The following SLC22A2 variants were observed in gnomAD, a reference collection of about 807,000 sequenced individuals.
SLC22A2 encodes the protein organic cation transporter 2.
A neutral mutation model predicts 60.5 loss-of-function variants in SLC22A2; 46 were observed. The ratio of observed to expected loss-of-function variants is 0.76; its 90% CI spans 0.60 to 0.97. SLC22A2 has a LOEUF of 0.97. Ranked by LOEUF, SLC22A2 falls within the 50% of genes least tolerant of loss-of-function variation. The probability of loss-of-function intolerance (pLI) is 0.00; values close to 1 mark genes in which losing one functional copy is unlikely to be tolerated. For missense variants in SLC22A2, 701 were observed against 706.6 expected (o/e 0.99, Z 0.09); for synonymous variants, 303 against 267.0 (o/e 1.13, Z -1.31).
chr6:160,242,245 T>C (rs1437701241), intron 8 of SLC22A2, 49 bp downstream of exon 8: 3 of 996,218 alleles, frequency 3.0e-6, no homozygotes, highest in Non-Finnish European at 4.9e-6. Flanking sequence ...TTCCAGCCAA[T>C]GAACAAATGT....
At chr6:160,230,003 C>T (rs1782792609) in intron 9 of SLC22A2, among the ~76,000 whole-genome samples, 1 of 151,784 alleles carries the variant, frequency 6.6e-6, no homozygotes, top group Non-Finnish European at 1.5e-5. Flanking sequence ...GTCTCTGTTC[C>T]CAATGCAACT....
intron 2 of SLC22A2, among the ~76,000 whole-genome samples, chr6:160,252,521 A>G (rs988957935): frequency 2.0e-5 from 3 of 152,074 alleles, no homozygotes; most frequent in African/African-American, 7.2e-5. Context: ...GAGGTCTGAG[A>G]CTCCTCCTAC....
At position 160,233,554 on chromosome 6, in the gene SLC22A2, C is replaced by A. The variant is rs149038595; in HGVS notation, c.1501+7920G>T. The stretch of plus-strand genomic sequence containing the variant: ...AACCAAACAAGTAATTACACTGAAC[C>A]CCCTTGGACACTCTCTAATTGGATG... On this transcript the variant is annotated intron_variant, in intron 9 of 10. Coordinates refer to ENST00000366953, the MANE Select transcript of SLC22A2 (RefSeq NM_003058.4). Among the ~76,000 whole-genome samples, 227 of 151,972 alleles carry A rather than the reference C, an allele frequency of 1.5e-3. No homozygotes were observed. The Middle Eastern group carries it at 0.02, about 14-fold the overall frequency.
intron 9 of SLC22A2, among the ~76,000 whole-genome samples, chr6:160,234,394 A>G (rs1464012733): frequency 6.6e-6 from 1 of 152,164 alleles, no homozygotes; most frequent in African/African-American, 2.4e-5. Context: ...CGCTACCGAC[A>G]AGTGGTCACC....
chr6:160,242,976 T>C (rs1027432878), intron 7 of SLC22A2, among the ~76,000 whole-genome samples: 5 of 152,198 alleles, frequency 3.3e-5, no homozygotes, highest in African/African-American at 1.2e-4. Context: ...GTTATACCAG[T>C]TTCCAAAGCT....
At chr6:160,236,759 T>A (rs1782918399) in intron 9 of SLC22A2, among the ~76,000 whole-genome samples, 1 of 152,122 alleles carries the variant, frequency 6.6e-6, no homozygotes, top group Non-Finnish European at 1.5e-5. Context: ...AAATGTCACT[T>A]TCTGACAGAC....
intron 10 of SLC22A2, among the ~76,000 whole-genome samples, 156 bp from the exon 11 acceptor site, chr6:160,217,654 G>T (rs1782562605): frequency 6.6e-6 from 1 of 152,168 alleles, no homozygotes; most frequent in Admixed American, 6.5e-5. Context: ...TTCTCACAAA[G>T]AAAATGGACA....
At chr6:160,251,852 T>TG (rs1185724427) in intron 2 of SLC22A2, among the ~76,000 whole-genome samples, 1 of 152,254 alleles carries the variant, frequency 6.6e-6, no homozygotes, top group East Asian at 1.9e-4. Context: ...ATAATTATTT[T>TG]GGAAGAGTAA....
chr6:160,218,088 G>A (rs1051699186), intron 10 of SLC22A2: 1 of 189,988 alleles, frequency 5.3e-6, no homozygotes, highest in Non-Finnish European at 1.1e-5. Context: ...ATCAGCTGTG[G>A]GCTGCTCCCA....
At chr6:160,222,114 T>C (rs1034563248) in intron 10 of SLC22A2, among the ~76,000 whole-genome samples, 1 of 152,202 alleles carries the variant, frequency 6.6e-6, no homozygotes, top group Non-Finnish European at 1.5e-5. Flanking sequence ...GCTATTGTTA[T>C]CCTCATTTTA....
intron 9 of SLC22A2, among the ~76,000 whole-genome samples, chr6:160,226,949 A>C (rs1011323410): frequency 6.6e-6 from 1 of 152,118 alleles, no homozygotes; most frequent in African/African-American, 2.4e-5. Context: ...TAAGACTGAC[A>C]CAACAGACTC....
At position 160,257,091 on chromosome 6, in the gene SLC22A2, G is replaced by A. The variant is rs560269933; in HGVS notation, c.415-374C>T. The stretch of plus-strand genomic sequence containing the variant: ...TCAGTTTTCTTTACATAACCAAAAG[G>A]CTTGCCCTTCCATCTGGCAATTTGT... On this transcript the variant is annotated intron_variant, in intron 1 of 10. Coordinates refer to ENST00000366953, the MANE Select transcript of SLC22A2 (RefSeq NM_003058.4). Among the ~76,000 whole-genome samples the A allele has an allele frequency of 5.1e-4, 78 of 152,258 alleles. 1 individual carries two copies. In the South Asian group the frequency reaches 5.8e-3, roughly 11 times the overall value.
intron 2 of SLC22A2, among the ~76,000 whole-genome samples, chr6:160,253,000 C>A (rs1025525452): frequency 1.3e-5 from 2 of 152,118 alleles, no homozygotes; most frequent in African/African-American, 4.8e-5. Context: ...GACTGCAACC[C>A]ACTGGGACTT....
chr6:160,225,479 T>G (rs76544796), intron 9 of SLC22A2, among the ~76,000 whole-genome samples: 1 of 152,150 alleles, frequency 6.6e-6, no homozygotes, highest in Non-Finnish European at 1.5e-5. Context: ...AAACACTGCA[T>G]GCCAGTCTCT....
intron 5 of SLC22A2, among the ~76,000 whole-genome samples, chr6:160,246,458 G>T (rs759566284): frequency 2.6e-5 from 4 of 152,238 alleles, no homozygotes; most frequent in Non-Finnish European, 5.9e-5. Flanking sequence ...TTGCTTAAAA[G>T]CTTTTCAGCC....
Position 160,249,380 on chromosome 6 carries a change from T to C in SLC22A2, c.678A>G (p.Thr226=), listed in dbSNP as rs1364518641. The stretch of plus-strand genomic sequence containing the variant: ...TCCGATATCTCCGCCCAACAAATTC[T>C]GTAACTGCAGAGAGAATTTGAATGG... The part of the protein sequence containing the change: ...AGWLIGYILI[T]EFVGRRYRRT... Residue 226 remains threonine, a synonymous_variant, in exon 4 of 11, where the codon ACA becomes ACG. Coordinates refer to ENST00000366953, the MANE Select transcript of SLC22A2 (RefSeq NM_003058.4). 8.7e-6 allele frequency: 14 copies of C among 1,612,902 alleles called. No individual in the cohort carries two copies. The highest frequency in any genetic ancestry group is 1.2e-5 in the Non-Finnish European group (14 of 1,179,430).
At chr6:160,226,202 G>A (rs543370842) in intron 9 of SLC22A2, among the ~76,000 whole-genome samples, 14 of 152,124 alleles carry the variant, frequency 9.2e-5, no homozygotes, top group South Asian at 2.1e-4. Flanking sequence ...CTGACTCAGC[G>A]CAAGACAGCT....
rs1782850775 is a variant in SLC22A2, at chr6:160,233,065, TC to T, written c.1502-8262del. On this transcript the variant is annotated intron_variant, in intron 9 of 10. Coordinates refer to ENST00000366953, the MANE Select transcript of SLC22A2 (RefSeq NM_003058.4). ...CACTTCTCAGTGTTCCATCTGCTAT[TC>T]CACTACTCCCCAGGAATTTCTCAGG... Among the ~76,000 whole-genome samples, 3 of 152,120 alleles carry T rather than the reference TC, an allele frequency of 2.0e-5. No homozygotes were observed. The South Asian group carries it at 6.2e-4, about 32-fold the overall frequency.
intron 2 of SLC22A2, among the ~76,000 whole-genome samples, chr6:160,251,532 T>A (rs774568506): frequency 6.6e-6 from 1 of 152,174 alleles, no homozygotes; most frequent in Non-Finnish European, 1.5e-5. Flanking sequence ...CCTTTTTTCC[T>A]TCTGTTTGCA....
Sources: gnomAD v4.1 joint callset for allele counts (sites outside exome capture counted in the v4.1 genomes callset) on GRCh38, gnomAD v4.1.1 for gene constraint, MANE v1.5 for transcripts, NCBI Gene and HGNC (gene_info 2026-07-23, HGNC 2026-07-21) for gene names.